NEGR1: variants seen among roughly 807,000 people sequenced by gnomAD.
The protein encoded by NEGR1 is neuronal growth regulator 1.
NEGR1 carries 10 observed loss-of-function variants against 40.9 expected under a neutral mutation model. That is an observed-to-expected ratio of 0.24 (90% confidence interval 0.15 to 0.42). NEGR1 has a LOEUF of 0.42. Among genes scored for constraint, NEGR1 ranks in the 10% least tolerant of loss-of-function variants. The pLI is 1.00. For missense variants in NEGR1, 352 were observed against 438.9 expected (o/e 0.80, Z 1.77); for synonymous variants, 185 against 166.8 (o/e 1.11, Z -0.84).
intron 1 of NEGR1, among the ~76,000 whole-genome samples, chr1:72,061,265 CCT>C (rs1383333950): frequency 2.6e-5 from 4 of 151,796 alleles, no homozygotes; most frequent in African/African-American, 9.7e-5. Context: ...AGCACAGTGA[CCT>C]AATTAACATC....
intron 1 of NEGR1, among the ~76,000 whole-genome samples, chr1:72,252,093 G>T (rs1655117754): frequency 6.6e-6 from 1 of 152,086 alleles, no homozygotes; most frequent in Admixed American, 6.6e-5. Context: ...ACATGAAAAT[G>T]TATGCAACCT....
intron 1 of NEGR1, among the ~76,000 whole-genome samples, chr1:72,078,368 C>T (rs2630422): frequency 0.11 from 17,392 of 151,966 alleles, 1,196 homozygotes; most frequent in East Asian, 0.28. Flanking sequence ...TACCTTTGAG[C>T]TAAAAAATTT....
At chr1:71,979,593 G>A (rs2768378) in intron 1 of NEGR1, among the ~76,000 whole-genome samples, 87,290 of 151,880 alleles carry the variant, frequency 0.57, 27,167 homozygotes, top group African/African-American at 0.81. Flanking sequence ...AGTAAAGAAG[G>A]ACAAAGAACA....
Position 72,204,941 on chromosome 1 carries a change from C to A in NEGR1, c.176+77378G>T, listed in dbSNP as rs535473225. 4.6e-5 allele frequency among the ~76,000 whole-genome samples: 7 copies of A among 152,068 alleles called. No homozygotes were observed. In the South Asian group the frequency reaches 1.5e-3, roughly 32 times the overall value. ...ACATTGTTAGATATGGAAGGGCACA[C>A]AACAATGCTTAAAAAATAAAATCAT... is the stretch of plus-strand genomic sequence containing the variant. On this transcript the variant is annotated intron_variant, in intron 1 of 6. Transcript: ENST00000357731.
intron 2 of NEGR1, among the ~76,000 whole-genome samples, chr1:71,827,055 C>T (rs1232385605): frequency 6.6e-6 from 1 of 151,796 alleles, no homozygotes; most frequent in South Asian, 2.1e-4. Context: ...GCAGTTGCCA[C>T]TATTGGCTTT....
intron 1 of NEGR1, among the ~76,000 whole-genome samples, chr1:71,958,235 C>A (rs1646134548): frequency 6.6e-6 from 1 of 152,188 alleles, no homozygotes; most frequent in Non-Finnish European, 1.5e-5. Context: ...ACATTTCCCC[C>A]CTTAGGGACA....
chr1:71,666,273 G>A (rs1169045102), intron 4 of NEGR1, among the ~76,000 whole-genome samples: 2 of 151,988 alleles, frequency 1.3e-5, no homozygotes, highest in Non-Finnish European at 2.9e-5. Context: ...GGATTTTCAA[G>A]ACCACTCCTA....
intron 1 of NEGR1, among the ~76,000 whole-genome samples, chr1:72,044,279 G>C (rs1646981487): frequency 1.4e-5 from 2 of 147,914 alleles, no homozygotes; most frequent in Non-Finnish European, 3.0e-5. Flanking sequence ...TCAATATTCT[G>C]TAAGTTCAAT....
intron 2 of NEGR1, among the ~76,000 whole-genome samples, chr1:71,834,460 C>A (rs113596871): frequency 6.6e-6 from 1 of 151,624 alleles, no homozygotes; most frequent in African/African-American, 2.4e-5. Context: ...ACCCCCACCC[C>A]CTGCCAACCA....
At chr1:71,441,650 G>T (rs1325369205) in intron 6 of NEGR1, among the ~76,000 whole-genome samples, 2 of 152,120 alleles carry the variant, frequency 1.3e-5, no homozygotes, top group Non-Finnish European at 2.9e-5. Flanking sequence ...ATAGCTATCT[G>T]AGTAAATGTT....
chr1:71,647,692 C>T (rs759596169), intron 4 of NEGR1, among the ~76,000 whole-genome samples: 6 of 151,906 alleles, frequency 3.9e-5, no homozygotes, highest in Non-Finnish European at 8.8e-5. Flanking sequence ...GAGTCTTCTA[C>T]AGTTTTTCCT....
At chr1:72,274,230 G>T (rs1400220788) in intron 1 of NEGR1, among the ~76,000 whole-genome samples, 1 of 151,870 alleles carries the variant, frequency 6.6e-6, no homozygotes, top group Non-Finnish European at 1.5e-5. Context: ...CCACATACAG[G>T]CTTTCTCCAA....
chr1:71,797,701 CTTTT>C (rs1007555697), intron 2 of NEGR1, among the ~76,000 whole-genome samples: 1 of 151,888 alleles, frequency 6.6e-6, no homozygotes, highest in Non-Finnish European at 1.5e-5. Flanking sequence ...TTCCTGTTTT[CTTTT>C]TTTAAGTTTC....
intron 1 of NEGR1, among the ~76,000 whole-genome samples, chr1:72,241,943 G>C (rs1379382987): frequency 6.6e-6 from 1 of 151,636 alleles, no homozygotes; most frequent in African/African-American, 2.4e-5. Flanking sequence ...TAAACGATCT[G>C]TGAAATGGGT....
chr1:72,225,026 C>T lies in NEGR1; in HGVS notation c.176+57293G>A, dbSNP rs1654130882. 2.0e-5 allele frequency among the ~76,000 whole-genome samples: 3 copies of T among 152,092 alleles called. No individual in the cohort carries two copies. The South Asian group carries it at 6.2e-4, about 32-fold the overall frequency. ...AAGGAAGTGAATGAAGACATCTGAA[C>T]ACCAAGGGAGAACTGATTGCAAATC... is the stretch of plus-strand genomic sequence containing the variant. On this transcript the variant is annotated intron_variant, in intron 1 of 6. Coordinates refer to ENST00000357731, the MANE Select transcript of NEGR1 (RefSeq NM_173808.3).
intron 4 of NEGR1, among the ~76,000 whole-genome samples, chr1:71,640,470 C>T (rs1379706609): frequency 6.6e-6 from 1 of 152,004 alleles, no homozygotes; most frequent in Non-Finnish European, 1.5e-5. Flanking sequence ...ATGCAATATC[C>T]TGGTATCTGT....
intron 2 of NEGR1, among the ~76,000 whole-genome samples, chr1:71,827,928 A>G (rs957932207): frequency 6.6e-5 from 10 of 151,962 alleles, no homozygotes; most frequent in Non-Finnish European, 1.3e-4. Context: ...ATGAAACGTC[A>G]GGTGAACAGT....
At position 71,601,029 on chromosome 1, in the gene NEGR1, G is replaced by A. The variant is rs150814469; in HGVS notation, c.789-8061C>T. Among the ~76,000 whole-genome samples the A allele has an allele frequency of 2.1e-3, 316 of 152,214 alleles. 5 individuals are homozygous for A. In the East Asian group the frequency reaches 0.057, roughly 27 times the overall value. On this transcript the variant is annotated intron_variant, in intron 5 of 6. Transcript: ENST00000357731. The stretch of plus-strand genomic sequence containing the variant: ...GTCTAGATGGAAAACATAGAATTAC[G>A]TTCAAATTTTCCTTTCCTTATATCC...
chr1:71,941,832 G>C (rs959345701), intron 1 of NEGR1, among the ~76,000 whole-genome samples: 1 of 151,876 alleles, frequency 6.6e-6, no homozygotes, highest in Non-Finnish European at 1.5e-5. Context: ...TTTGAGTTAG[G>C]TTATATCAAA....
Sources: allele counts gnomAD v4.1 joint callset (sites outside exome capture counted in the v4.1 genomes callset), GRCh38; gene constraint gnomAD v4.1.1; transcripts MANE v1.5; gene names NCBI Gene and HGNC (gene_info 2026-07-23, HGNC 2026-07-21).